Variants in CTNNA2 observed in about 807,000 individuals in gnomAD.
CTNNA2 encodes catenin alpha 2, also known as catenin alpha-2.
CTNNA2 carries 42 observed loss-of-function variants against 101.0 expected under a neutral mutation model. The ratio of observed to expected loss-of-function variants is 0.42; its 90% CI spans 0.32 to 0.54. The LOEUF is 0.54. Among genes scored for constraint, CTNNA2 ranks in the 20% least tolerant of loss-of-function variants. CTNNA2 has a pLI of 0.14. For missense variants in CTNNA2, 871 were observed against 1,223.1 expected (o/e 0.71, Z 4.29); for synonymous variants, 450 against 456.4 (o/e 0.99, Z 0.18).
In CTNNA2 at chr2:79,676,005, T is replaced by G. The variant is rs190737009; in HGVS notation, c.102+24347T>G. On this transcript the variant is annotated intron_variant, in intron 2 of 18. Transcript: ENST00000402739. ...AGGTATTGGATCAGCTGTCTCACCCTCAGGGTCATCCGTAGGTGAGGGCAT... is the reference window on the plus strand; with the variant it reads ...AGGTATTGGATCAGCTGTCTCACCCGCAGGGTCATCCGTAGGTGAGGGCAT... Among the ~76,000 whole-genome samples, 125 of 152,234 alleles carry G rather than the reference T, an allele frequency of 8.2e-4. 1 individual carries two copies. The East Asian group carries it at 8.9e-3, about 11-fold the overall frequency.
At chr2:79,839,763 G>A (rs1679663892) in intron 3 of CTNNA2, among the ~76,000 whole-genome samples, 1 of 151,716 alleles carries the variant, frequency 6.6e-6, no homozygotes, top group African/African-American at 2.4e-5. Flanking sequence ...AGAGTATCAT[G>A]TCCTTAGTTC....
At chr2:79,980,129 C>A (rs1181538545) in intron 7 of CTNNA2, among the ~76,000 whole-genome samples, 1 of 152,112 alleles carries the variant, frequency 6.6e-6, no homozygotes, top group Non-Finnish European at 1.5e-5. Context: ...ATCCTAATTT[C>A]TTTTTCTTCT....
intron 2 of CTNNA2, among the ~76,000 whole-genome samples, chr2:79,731,807 A>G (rs902244507): frequency 1.2e-4 from 18 of 145,408 alleles, no homozygotes; most frequent in African/African-American, 4.4e-4. Flanking sequence ...AGAAAGTGGC[A>G]GGAAAATATT....
chr2:80,105,863 G>A (rs1217305042), intron 7 of CTNNA2, among the ~76,000 whole-genome samples: 1 of 152,088 alleles, frequency 6.6e-6, no homozygotes, highest in Admixed American at 6.5e-5. Context: ...AGGCTTTACC[G>A]TGCAATCTGC....
chr2:79,909,677 C>T lies in CTNNA2; in HGVS notation c.936C>T (p.Ser312=), dbSNP rs779257738. 5.6e-6 allele frequency: 9 copies of T among 1,613,644 alleles called. No homozygotes were observed. The highest frequency in any genetic ancestry group is 1.1e-5 in the South Asian group (1 of 91,052). ...SLEERLESII[S]GAALMADSSC... is the part of the protein sequence containing the mutation. ...AGGAGAGGCTGGAGAGCATCATCAG[C>T]GGCGCAGCGCTGATGGCCGACTCCT... Residue 312 remains serine (S), a synonymous_variant, in exon 7 of 19, where the codon AGC becomes AGT. Transcript: ENST00000402739.
chr2:79,459,911 T>TATAC (rs1361998642), intron 4 of CTNNA2, among the ~76,000 whole-genome samples: 1 of 152,202 alleles, frequency 6.6e-6, no homozygotes, highest in African/African-American at 2.4e-5. Context: ...AGTCTAAAAT[T>TATAC]ATACAACTTA....
chr2:79,292,818 C>T (rs561056851), intron 2 of CTNNA2, among the ~76,000 whole-genome samples: 8 of 152,318 alleles, frequency 5.3e-5, no homozygotes, highest in Middle Eastern at 3.4e-3. Context: ...AATCCTTCTC[C>T]TTAGTTCTTT....
chr2:80,110,613 TG>T (rs1701158314), intron 7 of CTNNA2, among the ~76,000 whole-genome samples: 1 of 152,120 alleles, frequency 6.6e-6, no homozygotes, highest in Non-Finnish European at 1.5e-5. Flanking sequence ...TCCTTTCCTG[TG>T]GTGTAGGTGA....
chr2:79,337,530 A>G (rs2104424410), intron 3 of CTNNA2, among the ~76,000 whole-genome samples: 1 of 152,262 alleles, frequency 6.6e-6, no homozygotes, highest in East Asian at 1.9e-4. Flanking sequence ...TTATCCATGT[A>G]ACAAACCTGC....
intron 3 of CTNNA2, among the ~76,000 whole-genome samples, chr2:79,371,732 A>G (rs1417159730): frequency 3.3e-5 from 5 of 152,134 alleles, no homozygotes; most frequent in African/African-American, 9.7e-5. Context: ...AAGTTCTAGA[A>G]TAATTTCCTA....
intron 2 of CTNNA2, among the ~76,000 whole-genome samples, chr2:79,735,492 C>T (rs1225506681): frequency 1.3e-5 from 2 of 152,098 alleles, no homozygotes; most frequent in African/African-American, 4.8e-5. Context: ...ACTGGCCATT[C>T]ATATTGGCCA....
chr2:79,828,484 C>CA (rs1274352338), intron 3 of CTNNA2, among the ~76,000 whole-genome samples: 8 of 152,084 alleles, frequency 5.3e-5, no homozygotes, highest in Non-Finnish European at 8.8e-5. Context: ...TTTTACTATA[C>CA]AGAGTGATGT....
intron 4 of CTNNA2, among the ~76,000 whole-genome samples, chr2:79,398,333 C>T (rs192060481): frequency 6.6e-6 from 1 of 152,204 alleles, no homozygotes; most frequent in Non-Finnish European, 1.5e-5. Flanking sequence ...ATGTGAACCA[C>T]CTACCATATA....
intron 7 of CTNNA2, among the ~76,000 whole-genome samples, chr2:79,930,344 GAAA>G (rs1687353660): frequency 1.7e-5 from 2 of 115,352 alleles, no homozygotes; most frequent in African/African-American, 6.1e-5. Context: ...AAGAAAGAAA[GAAA>G]GAAAGAAAGA....
At chr2:79,414,701 T>C (rs1678458165) in intron 4 of CTNNA2, among the ~76,000 whole-genome samples, 2 of 152,070 alleles carry the variant, frequency 1.3e-5, no homozygotes, top group South Asian at 4.1e-4. Flanking sequence ...CCTCTCATCC[T>C]CTTGAACCCC....
chr2:80,588,723 T>C (rs1177094762), intron 14 of CTNNA2, among the ~76,000 whole-genome samples: 1 of 152,072 alleles, frequency 6.6e-6, no homozygotes. Flanking sequence ...CTAAAGGAGA[T>C]GGGGGAGGGC....
chr2:79,841,121 G>T (rs540079764), intron 3 of CTNNA2, among the ~76,000 whole-genome samples: 25 of 152,272 alleles, frequency 1.6e-4, no homozygotes, highest in Admixed American at 4.6e-4. Flanking sequence ...TTTGGAGACA[G>T]GGTCTTGCTC....
intron 7 of CTNNA2, among the ~76,000 whole-genome samples, chr2:80,324,127 A>G (rs1312000092): frequency 6.6e-6 from 1 of 152,184 alleles, no homozygotes; most frequent in Non-Finnish European, 1.5e-5. Context: ...CACTCTTTTG[A>G]GCATGAAAAA....
chr2:79,478,616 G>A (rs934482470), intron 4 of CTNNA2, among the ~76,000 whole-genome samples: 1 of 152,170 alleles, frequency 6.6e-6, no homozygotes, highest in Non-Finnish European at 1.5e-5. Flanking sequence ...GATAAGAAAG[G>A]AAGAAATATT....
Sources: gnomAD v4.1 joint callset for allele counts (sites outside exome capture counted in the v4.1 genomes callset) on GRCh38, gnomAD v4.1.1 for gene constraint, MANE v1.5 for transcripts, NCBI Gene and HGNC (gene_info 2026-07-23, HGNC 2026-07-21) for gene names.